Variants in CYP2D6 observed in about 807,000 individuals in gnomAD.
CYP2D6 encodes cytochrome P450 family 2 subfamily D member 6 (gene/pseudogene).
Under a neutral mutation model 43.5 loss-of-function variants are expected in CYP2D6, and 51 were observed. The ratio of observed to expected loss-of-function variants is 1.17; its 90% CI spans 0.94 to 1.48. The LOEUF is 1.48. Among genes scored for constraint, CYP2D6 ranks in the 40% most tolerant of loss-of-function variants. The pLI is 0.00. For missense variants in CYP2D6, 698 were observed against 688.0 expected, an observed-to-expected ratio of 1.01 and a Z score of -0.16; for synonymous variants, 346 against 297.1, an observed-to-expected ratio of 1.16 and a Z score of -1.69.
In CYP2D6 at chr22:42,130,647, C is replaced by T. The variant is rs1040704095; in HGVS notation, c.145G>A (p.Val49Met). 5.0e-6 allele frequency: 8 copies of T among 1,608,428 alleles called. No individual in the cohort carries two copies. The African/African-American group carries it at 5.4e-5, about 11-fold the overall frequency. Residue 49 changes from valine to methionine, a missense_variant, in exon 1 of 9, where the codon GTG becomes ATG. Transcript: ENST00000645361. ...CAGTATGGTGTGTTCTGGAAGTCCA[C>T]ATGCAGCAGGTTGCCCAGCCCGGGC... is the stretch of plus-strand genomic sequence containing the variant. ...PLPGLGNLLH[V>M]DFQNTPYCFD...
chr22:42,128,799 C>G lies in CYP2D6; in HGVS notation c.651G>C (p.Ser217=). ...CGCTCCGCACCTCGCGCAGAAAGCC[C>G]GACTCCTCCTTCAGTCCCTCCTGAG... ...DLAQEGLKEE[S]GFLREVLNAV... is the part of the protein sequence containing the mutation. The change falls in exon 4 of 9, where the codon TCG becomes TCC. Residue 217 remains serine (S), a synonymous_variant. Transcript: ENST00000645361. 6.2e-6 allele frequency: 10 copies of G among 1,607,128 alleles called. 1 individual carries two copies. Among genetic ancestry groups the G allele is most frequent in the Non-Finnish European group, 6.8e-6 (8 of 1,176,322 alleles).
rs762795899 is a variant in CYP2D6 at position 42,127,493 on chromosome 22, T to C, written c.1127A>G (p.His376Arg). The C allele has an allele frequency of 6.2e-7, 1 of 1,611,516 alleles. No individual in the cohort carries two copies. The highest frequency in any genetic ancestry group is 1.1e-5 in the South Asian group (1 of 90,964). ...TACTTCGATGTCACGGGATGTCATATGGGTCACACCCAGGGGGACGATGTC... is the reference window on the plus strand; with the variant it reads ...TACTTCGATGTCACGGGATGTCATACGGGTCACACCCAGGGGGACGATGTC... Reference protein sequence around the residue: ...FGDIVPLGVTHMTSRDIEVQG... With the variant: ...FGDIVPLGVTRMTSRDIEVQG... The change falls in exon 7 of 9, where the codon CAT becomes CGT. Residue 376 changes from histidine (H) to arginine (R), a missense_variant. Physicochemically the swap from His to Arg is conservative, Grantham distance 29 (BLOSUM62 0). This residue lies in a region of CYP2D6 where 16 missense variants were observed against 30.5 expected (regional missense o/e 0.52). Coordinates refer to ENST00000645361, the MANE Select transcript of CYP2D6 (RefSeq NM_000106.6).
chr22:42,129,674 C>T (rs908169268), intron 2 of CYP2D6, 64 bp downstream of exon 2: 1 of 1,594,250 alleles, frequency 6.3e-7, no homozygotes, highest in Non-Finnish European at 8.6e-7. Context: ...CTGCCCAGCT[C>T]GGACTACGGT....
rs1453363971 is a variant in CYP2D6, at chr22:42,129,022, C to T, written c.505+11G>A. The T allele has an allele frequency of 1.9e-6, 3 of 1,603,614 alleles. No individual in the cohort carries two copies. The highest frequency in any genetic ancestry group is 1.3e-5 in the African/African-American group (1 of 74,160). ...CAGTTCCCGCTTTGTGCCCTTCTGC[C>T]CATCACCCACCGGAGTGGTTGGCGA... is the stretch of plus-strand genomic sequence containing the variant. On this transcript the variant is annotated intron_variant, in intron 3 of 8. Transcript: ENST00000645361.
Position 42,129,899 on chromosome 22 carries a change from C to T in CYP2D6, c.191G>A (p.Arg64His), listed in dbSNP as rs1415188318. The change falls in exon 2 of 9, where the codon CGC becomes CAC. Residue 64 changes from arginine (R) to histidine (H), a missense_variant. Around this residue, in one of 5 missense-constraint regions of CYP2D6, gnomAD observed 588 missense variants for 521.1 expected, o/e 1.13. Transcript: ENST00000645361. Reference protein sequence around the residue: ...TPYCFDQLRRRFGDVFSLQLA... With the variant: ...TPYCFDQLRRHFGDVFSLQLA... Reference sequence around the variant, plus strand: ...CTGCAGGCTGAACACGTCCCCGAAGCGGCGCCGCAACTGCAGAGGGAGGGT... The same window carrying T: ...CTGCAGGCTGAACACGTCCCCGAAGTGGCGCCGCAACTGCAGAGGGAGGGT... 5 of 1,569,300 alleles carry T rather than the reference C, an allele frequency of 3.2e-6. No homozygotes were observed. Among genetic ancestry groups the T allele is most frequent in the Admixed American group, 3.6e-5 (2 of 55,126 alleles).
rs1366781093 is a variant in CYP2D6 at position 42,127,927 on chromosome 22, A to G, written c.900T>C (p.Ala300=). 6.2e-7 allele frequency: 1 copy of G among 1,611,224 alleles called. No homozygotes were observed. Among genetic ancestry groups the G allele is most frequent in the Admixed American group, 1.7e-5 (1 of 59,936 alleles). The change falls in exon 6 of 9, where the codon GCT becomes GCC. Residue 300 remains alanine (A), a synonymous_variant. Coordinates refer to ENST00000645361, the MANE Select transcript of CYP2D6 (RefSeq NM_000106.6). ...FNDENLRIVV[A]DLFSAGMVTT... is the part of the protein sequence containing the mutation. ...TCACCATCCCGGCAGAGAACAGGTCAGCCACCACTATGCGCAGGTTCTCAT... is the reference window on the plus strand; with the variant it reads ...TCACCATCCCGGCAGAGAACAGGTCGGCCACCACTATGCGCAGGTTCTCAT...
intron 4 of CYP2D6, 93 bp from the exon 5 acceptor site, chr22:42,128,443 G>A: frequency 6.9e-7 from 1 of 1,443,776 alleles, no homozygotes; most frequent in Non-Finnish European, 9.7e-7. Context: ...TAGACCCAGG[G>A]CCTGCCTGTC....
chr22:42,130,432 C>G (rs1389230125), intron 1 of CYP2D6, 180 bp downstream of exon 1: 2 of 771,356 alleles, frequency 2.6e-6, no homozygotes, highest in Non-Finnish European at 4.4e-6. Flanking sequence ...CTTCCTTGGC[C>G]TTTGGAAAAT....
chr22:42,128,012 C>T lies in CYP2D6; in HGVS notation c.844-29G>A, dbSNP rs773065145. 18 of 1,611,076 alleles carry T rather than the reference C, an allele frequency of 1.1e-5. No homozygotes were observed. Among genetic ancestry groups the T allele is most frequent in the African/African-American group, 4.0e-5 (3 of 74,320 alleles). On this transcript the variant is annotated intron_variant, in intron 5 of 8. Coordinates refer to ENST00000645361, the MANE Select transcript of CYP2D6 (RefSeq NM_000106.6). ...AGCAGGGCCGAGAGCATACTCGGGA[C>T]AGAACGGGGTAGCCCCCAAATGACC...
rs28371706 is a variant in CYP2D6 at position 42,129,770 on chromosome 22, G to T, written c.320C>A (p.Thr107Asn). ...DTADRPPVPI[T>N]QILGFGPRSQ... ...ACGCGGCCCGAAACCCAGGATCTGG[G>T]TGATGGGCACAGGCGGGCGGTCGGC... The change falls in exon 2 of 9, where the codon ACC (threonine) becomes AAC (asparagine). Residue 107 changes from threonine (T) to asparagine (N), a missense_variant. Thr to Asn is a moderately conservative substitution (Grantham distance 65, BLOSUM62 0). Around this residue, in one of 5 missense-constraint regions of CYP2D6, gnomAD observed 588 missense variants for 521.1 expected, o/e 1.13. Transcript: ENST00000645361. 380 of 1,608,900 alleles carry T rather than the reference G, an allele frequency of 2.4e-4. 16 individuals are homozygous for T. In the Admixed American group the frequency reaches 4.2e-3, roughly 18 times the overall value.
chr22:42,129,758 C>A lies in CYP2D6; in HGVS notation c.332G>T (p.Gly111Val). 1 of 1,609,880 alleles carries A rather than the reference C, an allele frequency of 6.2e-7. No individual in the cohort carries two copies. Among genetic ancestry groups the A allele is most frequent in the Non-Finnish European group, 8.5e-7 (1 of 1,178,134 alleles). ...CTTGCCTTGGGAACGCGGCCCGAAA[C>A]CCAGGATCTGGGTGATGGGCACAGG... Reference protein sequence around the residue: ...RPPVPITQILGFGPRSQGVFL... With the variant: ...RPPVPITQILVFGPRSQGVFL... Residue 111 changes from glycine (G) to valine (V), a missense_variant, in exon 2 of 9, where the codon GGT becomes GTT. This residue lies in a region of CYP2D6 where 588 missense variants were observed against 521.1 expected (regional missense o/e 1.13). Transcript: ENST00000645361.
At chr22:42,130,344 A>G in intron 1 of CYP2D6, 1 of 569,232 alleles carries the variant, frequency 1.8e-6, no homozygotes, top group East Asian at 2.9e-5. Context: ...GGGACTTTGT[A>G]CTCCATAACA....
At position 42,129,894 on chromosome 22, in the gene CYP2D6, C is replaced by T. The variant is rs764892620; in HGVS notation, c.196G>A (p.Gly66Arg). The change falls in exon 2 of 9, where the codon GGG becomes AGG. Residue 66 changes from glycine (G) to arginine (R), a missense_variant. Transcript: ENST00000645361. ...YCFDQLRRRF[G>R]DVFSLQLAWT... ...GCCAGCTGCAGGCTGAACACGTCCC[C>T]GAAGCGGCGCCGCAACTGCAGAGGG... The T allele has an allele frequency of 3.8e-6, 6 of 1,575,336 alleles. No individual in the cohort carries two copies. Among genetic ancestry groups the T allele is most frequent in the African/African-American group, 2.8e-5 (2 of 72,618 alleles).
Position 42,127,533 on chromosome 22 carries a change from C to T in CYP2D6, c.1087G>A (p.Val363Met), listed in dbSNP as rs770930850. The change falls in exon 7 of 9, where the codon GTG becomes ATG. Residue 363 changes from valine to methionine, a missense_variant. Val to Met is a conservative substitution (Grantham distance 21). Around this residue, in one of 5 missense-constraint regions of CYP2D6, gnomAD observed 588 missense variants for 521.1 expected, o/e 1.13. Transcript: ENST00000645361. Reference sequence around the variant, plus strand: ...GGGACGATGTCCCCAAAGCGCTGCACCTCATGAATCACGGCAGTGGTGTAG... The same window carrying T: ...GGGACGATGTCCCCAAAGCGCTGCATCTCATGAATCACGGCAGTGGTGTAG... ...MPYTTAVIHE[V>M]QRFGDIVPLG... 1.2e-6 allele frequency: 2 copies of T among 1,612,128 alleles called. No individual in the cohort carries two copies. Among genetic ancestry groups the T allele is most frequent in the South Asian group, 2.2e-5 (2 of 90,964 alleles).
rs756525445 is a variant in CYP2D6 at position 42,128,153 on chromosome 22, C to A, written c.843+21G>T. On this transcript the variant is annotated intron_variant, in intron 5 of 8. Transcript: ENST00000645361. ...CGCTCAACCCACCACCCTTGCCCCCCACCGTGGCAGCCACTCTCACCTTCT... is the reference window on the plus strand; with the variant it reads ...CGCTCAACCCACCACCCTTGCCCCCAACCGTGGCAGCCACTCTCACCTTCT... 1.2e-5 allele frequency: 19 copies of A among 1,595,470 alleles called. 1 individual carries two copies. The highest frequency in any genetic ancestry group is 1.5e-5 in the Non-Finnish European group (18 of 1,170,076).
In CYP2D6 at chr22:42,126,992, C is replaced by G; in HGVS notation, c.1174G>C (p.Gly392Arg). The change falls in exon 8 of 9, where the codon GGA becomes CGA. Residue 392 changes from glycine (G) to arginine (R), a missense_variant and splice_region_variant. Around this residue, in one of 5 missense-constraint regions of CYP2D6, gnomAD observed 16 missense variants for 30.5 expected, o/e 0.52. Transcript: ENST00000645361. ...IEVQGFRIPK[G>R]TTLITNLSSV... is the part of the protein sequence containing the mutation. ...GACAGGTTGGTGATGAGTGTCGTTCCCTGGGCAGGAGATGCAGGGTGAGAG... is the reference window on the plus strand; with the variant it reads ...GACAGGTTGGTGATGAGTGTCGTTCGCTGGGCAGGAGATGCAGGGTGAGAG... 6.2e-7 allele frequency: 1 copy of G among 1,604,150 alleles called. No individual in the cohort carries two copies. The highest frequency in any genetic ancestry group is 8.5e-7 in the Non-Finnish European group (1 of 1,175,228).
chr22:42,129,199 G>C lies in CYP2D6; in HGVS notation c.353-14C>G. Reference sequence around the variant, plus strand: ...CCAGGAACACCCCTGGGGGTGGGACGGGCACGTGCGCGTGGCCATGAAGGC... The same window carrying C: ...CCAGGAACACCCCTGGGGGTGGGACCGGCACGTGCGCGTGGCCATGAAGGC... On this transcript the variant is annotated splice_polypyrimidine_tract_variant and intron_variant, in intron 2 of 8. Transcript: ENST00000645361. 6.2e-7 allele frequency: 1 copy of C among 1,600,472 alleles called. No individual in the cohort carries two copies.
Position 42,126,744 on chromosome 22 carries a change from C to T in CYP2D6, c.1324G>A (p.Ala442Thr), listed in dbSNP as rs1314121486. 1.9e-5 allele frequency: 29 copies of T among 1,551,552 alleles called. 1 individual carries two copies. The highest frequency in any genetic ancestry group is 2.4e-5 in the Non-Finnish European group (27 of 1,148,078). The change falls in exon 9 of 9, where the codon GCA (alanine) becomes ACA (threonine). Residue 442 changes from alanine (A) to threonine (T), a missense_variant. Ala to Thr is a moderately conservative substitution (Grantham distance 58). Around this residue, in one of 5 missense-constraint regions of CYP2D6, gnomAD observed 85 missense variants for 81.2 expected, o/e 1.05. Coordinates refer to ENST00000645361, the MANE Select transcript of CYP2D6 (RefSeq NM_000106.6). ...CGGGCCAGGGGCTCCCCGAGGCATG[C>T]ACGGCGGCCTGTGGGGAGGGGAGGG... Reference protein sequence around the residue: ...AFLPFSAGRRACLGEPLARME... With the variant: ...AFLPFSAGRRTCLGEPLARME...
chr22:42,127,670 C>G lies in CYP2D6; in HGVS notation c.986-36G>C. The G allele has an allele frequency of 1.9e-6, 3 of 1,602,256 alleles. 1 individual carries two copies. Among genetic ancestry groups the G allele is most frequent in the Admixed American group, 1.7e-5 (1 of 59,738 alleles). On this transcript the variant is annotated intron_variant, in intron 6 of 8. Coordinates refer to ENST00000645361, the MANE Select transcript of CYP2D6 (RefSeq NM_000106.6). The stretch of plus-strand genomic sequence containing the variant: ...ATGCGTCCCCACAATGGGTCAGCAC[C>G]CAGGGGGTCCGGCCCTGACACTCCT...
Sources: allele counts gnomAD v4.1 joint callset, GRCh38; gene constraint gnomAD v4.1.1; regional missense constraint gnomAD v4.1.1; transcripts MANE v1.5; gene names NCBI Gene and HGNC (gene_info 2026-07-23, HGNC 2026-07-21).